JAKMIP2: variants seen among roughly 807,000 people sequenced by gnomAD.
JAKMIP2 encodes the protein janus kinase and microtubule interacting protein 2.
In JAKMIP2, 25 loss-of-function variants were observed where a neutral mutation model predicts 115.0. The observed-to-expected ratio is 0.22, with a 90% CI of 0.16 to 0.30. JAKMIP2 has a LOEUF of 0.30. JAKMIP2 is among the 10% of genes least tolerant of loss of function. The pLI, the probability that JAKMIP2 is intolerant of heterozygous loss-of-function variation, is 1.00. For synonymous variants in JAKMIP2, 334 were observed against 343.6 expected (o/e 0.97, Z 0.31); for missense variants, 642 against 957.6 (o/e 0.67, Z 4.35).
intron 1 of JAKMIP2, among the ~76,000 whole-genome samples, chr5:147,750,497 A>G (rs1754507773): frequency 6.6e-6 from 1 of 151,886 alleles, no homozygotes; most frequent in Non-Finnish European, 1.5e-5. Flanking sequence ...TCTGAAGGCC[A>G]ATAAGAAAAA....
At chr5:147,733,945 A>G (rs897867073) in intron 1 of JAKMIP2, among the ~76,000 whole-genome samples, 7 of 152,144 alleles carry the variant, frequency 4.6e-5, no homozygotes, top group African/African-American at 1.7e-4. Flanking sequence ...GTGTCTTTAT[A>G]GTAAGAATGA....
At position 147,661,266 on chromosome 5, in the gene JAKMIP2, C is replaced by T. The variant is rs879206870; in HGVS notation, c.309G>A (p.Thr103=). Residue 103 remains threonine (T), a synonymous_variant, in exon 3 of 22, where the codon ACG becomes ACA. Transcript: ENST00000616793. The part of the protein sequence containing the change: ...IKQHEQEMSR[T]VKVRDGEIQR... Reference sequence around the variant, plus strand: ...GGATCTCTCCATCACGTACCTTCACCGTCCTTGACATTTCCTGCTCGTGCT... The same window carrying T: ...GGATCTCTCCATCACGTACCTTCACTGTCCTTGACATTTCCTGCTCGTGCT... The T allele has an allele frequency of 6.2e-7, 1 of 1,613,906 alleles. No individual in the cohort carries two copies. Among genetic ancestry groups the T allele is most frequent in the Non-Finnish European group, 8.5e-7 (1 of 1,180,008 alleles).
chr5:147,726,220 G>C (rs1753510937), intron 1 of JAKMIP2, among the ~76,000 whole-genome samples: 1 of 152,190 alleles, frequency 6.6e-6, no homozygotes, highest in Non-Finnish European at 1.5e-5. Flanking sequence ...CCAAGTAGGG[G>C]CAAGTTTGAG....
intron 10 of JAKMIP2, among the ~76,000 whole-genome samples, chr5:147,638,239 C>T (rs1757715407): frequency 6.6e-6 from 1 of 151,422 alleles, no homozygotes; most frequent in Admixed American, 6.6e-5. Context: ...GATTATTTTT[C>T]TAAGAATGGT....
chr5:147,747,920 A>G (rs182475186), intron 1 of JAKMIP2, among the ~76,000 whole-genome samples: 113 of 152,186 alleles, frequency 7.4e-4, no homozygotes, highest in Non-Finnish European at 1.4e-3. Flanking sequence ...TTGCTTAACT[A>G]TTGACTTGCT....
intron 21 of JAKMIP2, 99 bp downstream of exon 21, chr5:147,601,628 AAAACAAAACAAAAC>A: frequency 1.7e-6 from 1 of 595,108 alleles, no homozygotes. Context: ...AAAACAAAAC[AAAACAAAACAAAAC>A]AAAACAAAAA....
At chr5:147,608,225 T>C (rs532325122) in intron 20 of JAKMIP2, among the ~76,000 whole-genome samples, 1 of 152,272 alleles carries the variant, frequency 6.6e-6, no homozygotes, top group Admixed American at 6.5e-5. Context: ...ACTTTTGAAT[T>C]TGTTTGCTCT....
intron 3 of JAKMIP2, 96 bp from the exon 4 acceptor site, chr5:147,650,643 TA>T: frequency 1.1e-6 from 1 of 909,932 alleles, no homozygotes; most frequent in Non-Finnish European, 1.7e-6. Flanking sequence ...ATCTGATTGA[TA>T]CAGAAAAAAA....
chr5:147,636,518 A>G, intron 11 of JAKMIP2: 1 of 591,112 alleles, frequency 1.7e-6, no homozygotes, highest in South Asian at 2.1e-5. Flanking sequence ...TCCAGTTTGA[A>G]TAATCCAGGA....
chr5:147,610,797 C>G (rs759094110), intron 20 of JAKMIP2, among the ~76,000 whole-genome samples: 8 of 152,230 alleles, frequency 5.3e-5, no homozygotes, highest in Non-Finnish European at 7.3e-5. Flanking sequence ...GCCCCTTCCC[C>G]TAGGTGCTGT....
rs1258876436 is a variant in JAKMIP2 at position 147,632,709 on chromosome 5, G to A, written c.1747C>T (p.Leu583=). Residue 583 remains leucine (L), a synonymous_variant, in exon 13 of 22, where the codon CTG becomes TTG. Transcript: ENST00000616793. The stretch of plus-strand genomic sequence containing the variant: ...AGCTCTAGGTTTCGAAACTCCAGCA[G>A]CTCATTCTGGTCTCTGGCGTCCTGT... ...ELQDARDQNE[L]LEFRNLELEE... 21 of 1,611,584 alleles carry A rather than the reference G, an allele frequency of 1.3e-5. No homozygotes were observed. The highest frequency in any genetic ancestry group is 1.7e-5 in the Non-Finnish European group (20 of 1,178,590).
At chr5:147,719,758 G>T (rs963869591) in intron 1 of JAKMIP2, among the ~76,000 whole-genome samples, 11 of 151,038 alleles carry the variant, frequency 7.3e-5, no homozygotes, top group African/African-American at 2.4e-4. Context: ...ATGTGAGATG[G>T]GTTTCCTGAA....
chr5:147,683,589 A>T (rs921237255), intron 1 of JAKMIP2, among the ~76,000 whole-genome samples: 1 of 152,206 alleles, frequency 6.6e-6, no homozygotes, highest in Non-Finnish European at 1.5e-5. Context: ...GCTTTCATAG[A>T]ACATATTTAT....
intron 1 of JAKMIP2, among the ~76,000 whole-genome samples, chr5:147,716,002 A>G (rs1282839735): frequency 2.5e-5 from 2 of 78,936 alleles, no homozygotes; most frequent in Non-Finnish European, 4.7e-5. Flanking sequence ...CCCTCCCCCC[A>G]CCCCACAACA....
At chr5:147,686,085 A>G (rs1401468312) in intron 1 of JAKMIP2, among the ~76,000 whole-genome samples, 1 of 152,162 alleles carries the variant, frequency 6.6e-6, no homozygotes, top group Non-Finnish European at 1.5e-5. Flanking sequence ...ATTAATGCAA[A>G]CATAGGGACC....
chr5:147,597,180 GCCGA>G (rs1755436676), intron 21 of JAKMIP2, among the ~76,000 whole-genome samples: 2 of 152,126 alleles, frequency 1.3e-5, no homozygotes, highest in South Asian at 4.2e-4. Context: ...ACCGCGCCTG[GCCGA>G]TCGTACTAAT....
Position 147,588,474 on chromosome 5 carries a change from T to G in JAKMIP2, c.*3233A>C, listed in dbSNP as rs1754969154. On this transcript the variant is annotated 3_prime_UTR_variant, in exon 22 of 22. Transcript: ENST00000616793. ...AAGGGAAGCATTCATTTAAACACGGTCCATTTCCATGGATCCATGAGTGAC... is the reference window on the plus strand; with the variant it reads ...AAGGGAAGCATTCATTTAAACACGGGCCATTTCCATGGATCCATGAGTGAC... 1 of 151,338 alleles carries G rather than the reference T, an allele frequency of 6.6e-6. No homozygotes were observed. Among genetic ancestry groups the G allele is most frequent in the Non-Finnish European group, 1.5e-5 (1 of 67,914 alleles). The allele number at this position is 151,338 out of a possible 1,614,324, so 9.4% of individuals were successfully genotyped here.
chr5:147,598,853 G>A (rs573573605), intron 21 of JAKMIP2, among the ~76,000 whole-genome samples: 9 of 152,154 alleles, frequency 5.9e-5, no homozygotes, highest in African/African-American at 9.6e-5. Context: ...AAAATTTATC[G>A]TAATTTGCAG....
chr5:147,600,377 A>T (rs1486590610), intron 21 of JAKMIP2, among the ~76,000 whole-genome samples: 2 of 152,144 alleles, frequency 1.3e-5, no homozygotes, highest in Non-Finnish European at 2.9e-5. Context: ...CTTTGCTTGT[A>T]TCAGGTTATT....
Sources: gnomAD v4.1 joint callset for allele counts (sites outside exome capture counted in the v4.1 genomes callset) on GRCh38, gnomAD v4.1.1 for gene constraint, MANE v1.5 for transcripts, NCBI Gene and HGNC (gene_info 2026-07-23, HGNC 2026-07-21) for gene names.